HIPK3: variants seen among roughly 807,000 people sequenced by gnomAD.
HIPK3 encodes homeodomain-interacting protein kinase 3.
HIPK3 carries 47 observed loss-of-function variants against 124.2 expected under a neutral mutation model. The ratio of observed to expected loss-of-function variants is 0.38; its 90% CI spans 0.30 to 0.48. The LOEUF (loss-of-function observed/expected upper bound fraction) is 0.48. Ranked by LOEUF, HIPK3 falls within the 20% of genes least tolerant of loss-of-function variation. HIPK3 has a pLI of 0.98. For synonymous variants in HIPK3, 482 were observed against 515.2 expected, an observed-to-expected ratio of 0.94 and a Z score of 0.87; for missense variants, 1,286 against 1,454.3, an observed-to-expected ratio of 0.88 and a Z score of 1.88.
intron 1 of HIPK3, among the ~76,000 whole-genome samples, chr11:33,276,115 A>T (rs1308954849): frequency 6.6e-6 from 1 of 152,234 alleles, no homozygotes; most frequent in Non-Finnish European, 1.5e-5. Context: ...TTTCACCTAG[A>T]TTATTCAAAT....
Position 33,257,596 on chromosome 11 carries a change from A to C in HIPK3, c.-296A>C, listed in dbSNP as rs986490443. 1.0e-6 allele frequency: 1 copy of C among 986,628 alleles called. No homozygotes were observed. Among genetic ancestry groups the C allele is most frequent in the African/African-American group, 1.7e-5 (1 of 57,210 alleles). 61.1% of individuals were successfully genotyped at this position (986,628 alleles called of 1,614,324 possible). A position where few individuals can be genotyped will look rare whatever the true frequency, so the allele number is the denominator to read the frequency against. On this transcript the variant is annotated 5_prime_UTR_variant, in exon 1 of 17. Transcript: ENST00000303296. ...CCGGCCTCCCACTACCCCTCGCCCT[A>C]GCCAAGCCGTCCCCACCCCAAATCC...
At chr11:33,339,269 G>A (rs941259347) in intron 5 of HIPK3, 81 bp from the exon 6 acceptor site, 4 of 1,060,036 alleles carry the variant, frequency 3.8e-6, no homozygotes, top group Non-Finnish European at 5.6e-6. Context: ...TGTGATTTTT[G>A]TTTTATTTTT....
At chr11:33,272,475 T>G (rs1426328630) in intron 1 of HIPK3, among the ~76,000 whole-genome samples, 1 of 152,132 alleles carries the variant, frequency 6.6e-6, no homozygotes, top group African/African-American at 2.4e-5. Flanking sequence ...TTTTCTTAAC[T>G]CTTTAGATGT....
chr11:33,298,619 A>G (rs1851905148), intron 2 of HIPK3, among the ~76,000 whole-genome samples: 1 of 152,264 alleles, frequency 6.6e-6, no homozygotes, highest in Non-Finnish European at 1.5e-5. Context: ...AGCATTCATG[A>G]TTCATGGCAG....
intron 3 of HIPK3, 83 bp from the exon 4 acceptor site, chr11:33,336,992 A>G: frequency 1.1e-6 from 1 of 950,292 alleles, no homozygotes; most frequent in South Asian, 1.7e-5. Flanking sequence ...TTCATACCTG[A>G]CCTAACATAT....
chr11:33,348,185 A>G lies in HIPK3; in HGVS notation c.2326A>G (p.Met776Val). 1 of 1,614,030 alleles carries G rather than the reference A, an allele frequency of 6.2e-7. No homozygotes were observed. Among genetic ancestry groups the G allele is most frequent in the African/African-American group, 1.3e-5 (1 of 75,050 alleles). ...TCTCAGAGGTATTTTGGTAAAACTA[A>G]TGGAATGGGAGCCAGGAAGAGAGGA... Reference protein sequence around the residue: ...CQNRGILVKLMEWEPGREEIN... With the variant: ...CQNRGILVKLVEWEPGREEIN... Residue 776 changes from methionine to valine, a missense_variant, in exon 12 of 17, where the codon ATG (methionine) becomes GTG (valine). This residue lies in a region of HIPK3 where 810 missense variants were observed against 864.9 expected (regional missense o/e 0.94). Transcript: ENST00000303296.
intron 3 of HIPK3, among the ~76,000 whole-genome samples, chr11:33,336,037 A>G (rs906517529): frequency 6.6e-6 from 1 of 152,202 alleles, no homozygotes; most frequent in Non-Finnish European, 1.5e-5. Context: ...GAGAGGTAAG[A>G]AAATGGAAAG....
intron 1 of HIPK3, among the ~76,000 whole-genome samples, chr11:33,273,763 A>G (rs958873092): frequency 6.6e-6 from 1 of 152,182 alleles, no homozygotes; most frequent in East Asian, 1.9e-4. Context: ...TCCAGGCCCC[A>G]CAATGTCTTT....
chr11:33,258,499 G>A (rs563579465), intron 1 of HIPK3: 2 of 985,324 alleles, frequency 2.0e-6, no homozygotes, highest in Middle Eastern at 5.2e-4. Flanking sequence ...GAGGAGAAAT[G>A]TGATCCGCGG....
intron 2 of HIPK3, 152 bp from the exon 3 acceptor site, chr11:33,328,358 G>T: frequency 1.5e-6 from 1 of 655,054 alleles, no homozygotes; most frequent in Admixed American, 2.6e-5. Context: ...TCAGGATTAT[G>T]TCTAGGTTTC....
chr11:33,353,371 A>G lies in HIPK3; in HGVS notation c.3451A>G (p.Thr1151Ala), dbSNP rs148114408. The G allele has an allele frequency of 4.3e-5, 69 of 1,613,968 alleles. No homozygotes were observed. The highest frequency in any genetic ancestry group is 1.6e-4 in the African/African-American group (12 of 74,884). ...CTCAAGACCTATGTTACAGCATCCAACTTATAATATCTCCCATCCCAGTGG... is the reference window on the plus strand; with the variant it reads ...CTCAAGACCTATGTTACAGCATCCAGCTTATAATATCTCCCATCCCAGTGG... ...CTSRPMLQHP[T>A]YNISHPSGIV... Residue 1151 changes from threonine to alanine, a missense_variant, in exon 17 of 17, where the codon ACT becomes GCT. By Grantham distance (58) the Thr-to-Ala change is moderately conservative (BLOSUM62 0). Transcript: ENST00000303296.
chr11:33,259,399 G>A (rs1411338684), intron 1 of HIPK3, among the ~76,000 whole-genome samples: 1 of 152,118 alleles, frequency 6.6e-6, no homozygotes, highest in Non-Finnish European at 1.5e-5. Flanking sequence ...TATACAATGA[G>A]CAATGATAAG....
chr11:33,346,822 A>G (rs1853507266), intron 8 of HIPK3, among the ~76,000 whole-genome samples: 1 of 152,242 alleles, frequency 6.6e-6, no homozygotes, highest in Non-Finnish European at 1.5e-5. Context: ...AAAGTAGACA[A>G]GAAGTACCTC....
At chr11:33,318,306 G>T (rs915159283) in intron 2 of HIPK3, among the ~76,000 whole-genome samples, 18 of 151,972 alleles carry the variant, frequency 1.2e-4, no homozygotes, top group African/African-American at 4.1e-4. Context: ...ACCTCAAGCA[G>T]TCCTCCCATG....
intron 1 of HIPK3, among the ~76,000 whole-genome samples, chr11:33,272,560 C>T (rs1316012825): frequency 6.6e-6 from 1 of 152,072 alleles, no homozygotes; most frequent in Admixed American, 6.6e-5. Context: ...TGCTGTATCA[C>T]CTTCCTCAAA....
intron 1 of HIPK3, among the ~76,000 whole-genome samples, chr11:33,269,627 T>C (rs1851068204): frequency 6.6e-6 from 1 of 152,172 alleles, no homozygotes; most frequent in African/African-American, 2.4e-5. Flanking sequence ...CTGTTTCTTT[T>C]TCTGTTTCTT....
In HIPK3 at chr11:33,347,901, C is replaced by T. The variant is rs1443860407; in HGVS notation, c.2194C>T (p.Leu732Phe). 2 of 1,614,202 alleles carry T rather than the reference C, an allele frequency of 1.2e-6. No homozygotes were observed. The highest frequency in any genetic ancestry group is 1.7e-6 in the Non-Finnish European group (2 of 1,180,018). The change falls in exon 11 of 17, where the codon CTT (leucine) becomes TTT (phenylalanine). Residue 732 changes from leucine (L) to phenylalanine (F), a missense_variant. Leu to Phe is a conservative substitution (Grantham distance 22, BLOSUM62 0). Coordinates refer to ENST00000303296, the MANE Select transcript of HIPK3 (RefSeq NM_005734.5). ...TTATAACTCAGTGATGCCGCAGCCT[C>T]TTCTGACCAATCAGATAACTTTATC... ...NHYNSVMPQP[L>F]LTNQITLSAP...
chr11:33,345,519 A>C (rs1186089441), intron 8 of HIPK3, among the ~76,000 whole-genome samples: 1 of 152,172 alleles, frequency 6.6e-6, no homozygotes, highest in Non-Finnish European at 1.5e-5. Flanking sequence ...AATTCTTCTC[A>C]TCTTAAGGCA....
chr11:33,347,466 A>G (rs1853530758), intron 9 of HIPK3, 52 bp downstream of exon 9: 2 of 1,608,410 alleles, frequency 1.2e-6, no homozygotes, highest in African/African-American at 1.3e-5. Context: ...TTTGGGAAAT[A>G]GTGAAAATGA....
Sources: allele counts gnomAD v4.1 joint callset (sites outside exome capture counted in the v4.1 genomes callset), GRCh38; gene constraint gnomAD v4.1.1; regional missense constraint gnomAD v4.1.1; transcripts MANE v1.5; gene names NCBI Gene and HGNC (gene_info 2026-07-23, HGNC 2026-07-21).